Variants in FBXL5 observed in about 807,000 individuals in gnomAD.
FBXL5 encodes the protein F-box and leucine rich repeat protein 5, also known as F-box/LRR-repeat protein 5.
Under a neutral mutation model 78.3 loss-of-function variants are expected in FBXL5, and 26 were observed. The ratio of observed to expected loss-of-function variants is 0.33; its 90% CI spans 0.24 to 0.46. The LOEUF (loss-of-function observed/expected upper bound fraction) is 0.46. Among genes scored for constraint, FBXL5 ranks in the 20% least tolerant of loss-of-function variants. The pLI, the probability that FBXL5 is intolerant of heterozygous loss-of-function variation, is 1.00. For synonymous variants in FBXL5, 295 were observed against 282.5 expected (o/e 1.04, Z -0.45); for missense variants, 710 against 829.2 (o/e 0.86, Z 1.77).
chr4:15,672,207 G>C (rs1030413971), intron 1 of FBXL5, among the ~76,000 whole-genome samples: 11 of 152,226 alleles, frequency 7.2e-5, no homozygotes, highest in Non-Finnish European at 1.6e-4. Flanking sequence ...GTTTCCCACA[G>C]CTGAGGCAAG....
intron 6 of FBXL5, among the ~76,000 whole-genome samples, chr4:15,628,557 T>C (rs1416291978): frequency 6.6e-6 from 1 of 152,160 alleles, no homozygotes. Context: ...AATAATTGTA[T>C]TGTATTACCT....
chr4:15,655,996 C>T (rs1279038886), upstream of FBXL5, among the ~76,000 whole-genome samples: 1 of 152,204 alleles, frequency 6.6e-6, no homozygotes, highest in East Asian at 1.9e-4. Context: ...GGGGCAGAGA[C>T]CGCGAGAGAG....
At chr4:15,655,093 G>T in intron 1 of FBXL5, 111 bp downstream of exon 1, 1 of 842,650 alleles carries the variant, frequency 1.2e-6, no homozygotes, top group East Asian at 5.1e-5. Flanking sequence ...CTACTCGCGC[G>T]GCGACGGCAC....
chr4:15,626,722 G>A (rs1713100075), intron 8 of FBXL5, 151 bp downstream of exon 8: 5 of 610,542 alleles, frequency 8.2e-6, no homozygotes, highest in Admixed American at 3.0e-5. Context: ...CTATGAGTAA[G>A]AAGTGAAGAA....
At chr4:15,662,952 A>G (rs1270753250), upstream of FBXL5, among the ~76,000 whole-genome samples, 2 of 152,232 alleles carry the variant, frequency 1.3e-5, no homozygotes, top group African/African-American at 4.8e-5. Flanking sequence ...CCATAAAACA[A>G]TAGAGCATAT....
rs55963737 is a variant in FBXL5, at chr4:15,644,272, T to A, written c.300+221A>T. On this transcript the variant is annotated intron_variant, in intron 2 of 10. Transcript: ENST00000341285. The stretch of plus-strand genomic sequence containing the variant: ...CCCCTTGGATATAAATCCCTACTTG[T>A]CCTTACTGTATTCACCGTCGGGACT... 0.091 allele frequency among the ~76,000 whole-genome samples: 13,893 copies of A among 152,246 alleles called. 779 individuals carry two copies. The highest frequency in any genetic ancestry group is 0.12 in the Non-Finnish European group (8,489 of 68,000).
At chr4:15,616,091 A>C (rs1197168229) in intron 9 of FBXL5, among the ~76,000 whole-genome samples, 2 of 152,058 alleles carry the variant, frequency 1.3e-5, no homozygotes, top group African/African-American at 4.8e-5. Flanking sequence ...ACTCACCGCG[A>C]AGGTCTGCAG....
At chr4:15,665,382 T>C (rs748020274) in intron 1 of FBXL5, among the ~76,000 whole-genome samples, 6 of 152,064 alleles carry the variant, frequency 3.9e-5, no homozygotes, top group Non-Finnish European at 5.9e-5. Context: ...AATCCCTCCT[T>C]CTCTCCAACA....
chr4:15,671,641 C>T (rs966659506), intron 1 of FBXL5, among the ~76,000 whole-genome samples: 1 of 152,054 alleles, frequency 6.6e-6, no homozygotes, highest in African/African-American at 2.4e-5. Flanking sequence ...TTTATGGTTT[C>T]CATCAAATTT....
intron 9 of FBXL5, among the ~76,000 whole-genome samples, chr4:15,612,763 G>A (rs1722354200): frequency 6.6e-6 from 1 of 151,888 alleles, no homozygotes; most frequent in South Asian, 2.1e-4. Flanking sequence ...GAAAATTACT[G>A]AAGCTTAAAA....
chr4:15,634,686 T>C (rs1714061167), intron 5 of FBXL5, among the ~76,000 whole-genome samples: 1 of 152,052 alleles, frequency 6.6e-6, no homozygotes, highest in Admixed American at 6.6e-5. Flanking sequence ...ATTTTTTTAG[T>C]AGAGATGAGG....
intron 5 of FBXL5, among the ~76,000 whole-genome samples, chr4:15,632,056 A>G (rs1365558127): frequency 2.0e-5 from 3 of 152,316 alleles, no homozygotes; most frequent in African/African-American, 7.2e-5. Flanking sequence ...TAGGTCTAAC[A>G]TTTAAATATT....
chr4:15,638,471 C>A lies in FBXL5; in HGVS notation c.583+37G>T, dbSNP rs758178943. 5 of 1,463,196 alleles carry A rather than the reference C, an allele frequency of 3.4e-6. No individual in the cohort carries two copies. In the South Asian group the frequency reaches 6.7e-5, roughly 20 times the overall value. 90.6% of individuals were successfully genotyped at this position (1,463,196 alleles called of 1,614,324 possible). ...TATCAGTAAGATGTCAATGACCTTA[C>A]AACTAATAAATTGTTCTTTATATAT... On this transcript the variant is annotated intron_variant, in intron 4 of 10. Transcript: ENST00000341285.
At chr4:15,626,051 T>A in intron 8 of FBXL5, 74 bp from the exon 9 acceptor site, 1 of 1,321,102 alleles carries the variant, frequency 7.6e-7, no homozygotes, top group South Asian at 1.6e-5. Flanking sequence ...TGCATGTAGA[T>A]GAAAACCAGA....
At chr4:15,652,578 G>C (rs1432769650) in intron 1 of FBXL5, among the ~76,000 whole-genome samples, 2 of 152,162 alleles carry the variant, frequency 1.3e-5, no homozygotes, top group African/African-American at 4.8e-5. Context: ...ACATACATCT[G>C]TCAGCTTTTG....
At chr4:15,674,207 T>TG (rs1039880895) in intron 1 of FBXL5, among the ~76,000 whole-genome samples, 1 of 148,486 alleles carries the variant, frequency 6.7e-6, no homozygotes, top group African/African-American at 2.5e-5. Flanking sequence ...GCATCGTGTT[T>TG]TTTTTTTTTT....
intron 10 of FBXL5, among the ~76,000 whole-genome samples, chr4:15,611,501 CTAA>C (rs773909144): frequency 6.6e-6 from 1 of 152,054 alleles, no homozygotes; most frequent in Non-Finnish European, 1.5e-5. Context: ...GATTTGCTTA[CTAA>C]TAACAGAAGA....
chr4:15,640,940 T>C, intron 2 of FBXL5, 57 bp from the exon 3 acceptor site: 1 of 956,228 alleles, frequency 1.0e-6, no homozygotes, highest in South Asian at 1.7e-5. Context: ...TAATTATGTC[T>C]GGTCCCAGGA....
At position 15,605,620 on chromosome 4, in the gene FBXL5, C is replaced by T. The variant is rs922501505; in HGVS notation, c.*103G>A. The T allele has an allele frequency of 9.9e-6, 9 of 906,950 alleles. No individual in the cohort carries two copies. Among genetic ancestry groups the T allele is most frequent in the East Asian group, 5.3e-5 (2 of 38,004 alleles). The allele number at this position is 906,950 out of a possible 1,614,324, so 56.2% of individuals were successfully genotyped here. A position where few individuals can be genotyped will look rare whatever the true frequency, so the allele number is the denominator to read the frequency against. The stretch of plus-strand genomic sequence containing the variant: ...TAAGAAATGGGGCCAAAACAAGTCA[C>T]GCTCAAAAAGGGATGGTTAACACAA... On this transcript the variant is annotated 3_prime_UTR_variant, in exon 11 of 11. Transcript: ENST00000341285.
Sources: gnomAD v4.1 joint callset for allele counts (sites outside exome capture counted in the v4.1 genomes callset) on GRCh38, gnomAD v4.1.1 for gene constraint, MANE v1.5 for transcripts, NCBI Gene and HGNC (gene_info 2026-07-23, HGNC 2026-07-21) for gene names.